MKLN1: variants seen among roughly 807,000 people sequenced by gnomAD.
MKLN1 encodes the protein muskelin 1, also known as muskelin.
Under a neutral mutation model 99.0 loss-of-function variants are expected in MKLN1, and 18 were observed. That is an observed-to-expected ratio of 0.18 (90% confidence interval 0.13 to 0.27). The LOEUF is 0.27. Among genes scored for constraint, MKLN1 ranks in the 10% least tolerant of loss-of-function variants. The pLI is 1.00. For missense variants in MKLN1, 621 were observed against 875.9 expected (o/e 0.71, Z 3.67); for synonymous variants, 288 against 293.2 (o/e 0.98, Z 0.18).
At chr7:131,439,735 A>G (rs1009607339) in intron 10 of MKLN1, among the ~76,000 whole-genome samples, 7 of 152,334 alleles carry the variant, frequency 4.6e-5, no homozygotes, top group African/African-American at 7.2e-5. Flanking sequence ...TAATTTTAAC[A>G]TATTTAAAAA....
At chr7:131,306,028 C>T (rs1798460161) in intron 3 of MKLN1, among the ~76,000 whole-genome samples, 1 of 152,148 alleles carries the variant, frequency 6.6e-6, no homozygotes, top group African/African-American at 2.4e-5. Context: ...CTATTCTGTT[C>T]ACATGATAGT....
At chr7:131,468,663 C>CA (rs573880580) in intron 15 of MKLN1, among the ~76,000 whole-genome samples, 7 of 151,262 alleles carry the variant, frequency 4.6e-5, no homozygotes, top group East Asian at 1.9e-4. Flanking sequence ...TAGAAATGGG[C>CA]AAAAAAAATT....
intron 2 of MKLN1, among the ~76,000 whole-genome samples, chr7:131,178,780 A>G (rs1796337975): frequency 6.6e-6 from 1 of 152,144 alleles, no homozygotes; most frequent in African/African-American, 2.4e-5. Context: ...ATTTATTTGC[A>G]AACTTTCATA....
intron 3 of MKLN1, among the ~76,000 whole-genome samples, chr7:131,304,468 T>C (rs1798424174): frequency 6.6e-6 from 1 of 152,254 alleles, no homozygotes; most frequent in African/African-American, 2.4e-5. Context: ...CCTGGTTGTA[T>C]AAATGACCTT....
chr7:131,454,849 C>G (rs1468180578), intron 12 of MKLN1, among the ~76,000 whole-genome samples: 1 of 152,066 alleles, frequency 6.6e-6, no homozygotes, highest in Non-Finnish European at 1.5e-5. Flanking sequence ...GGATGTGATG[C>G]TTAGAGTTGG....
intron 1 of MKLN1, among the ~76,000 whole-genome samples, chr7:131,349,687 A>C (rs965624835): frequency 6.6e-6 from 1 of 152,202 alleles, no homozygotes; most frequent in Admixed American, 6.5e-5. Flanking sequence ...TTGATAATTC[A>C]AGCCTTCTGA....
chr7:131,329,881 G>A (rs560811624), intron 1 of MKLN1, among the ~76,000 whole-genome samples: 75 of 152,290 alleles, frequency 4.9e-4, no homozygotes, highest in African/African-American at 1.7e-3. Flanking sequence ...ACATAAAATA[G>A]TATTTAATAC....
intron 4 of MKLN1, among the ~76,000 whole-genome samples, chr7:131,391,054 G>A (rs1407729649): frequency 6.6e-6 from 1 of 151,630 alleles, no homozygotes; most frequent in Non-Finnish European, 1.5e-5. Context: ...CCTTTCCCAA[G>A]CATTCTCTTA....
Position 131,487,546 on chromosome 7 carries a change from A to G in MKLN1, c.2087-61A>G, listed in dbSNP as rs1183620445. ...ATAAAATACATTGCTGCTGGTCTCA[A>G]CTAGTTTTTCTGTTACATGTTTTAA... On this transcript the variant is annotated intron_variant, in intron 17 of 17. Coordinates refer to ENST00000352689, the MANE Select transcript of MKLN1 (RefSeq NM_013255.5). The surrounding 1 kb of genome is among the most constrained non-coding windows in gnomAD (Gnocchi z 4.7). The G allele has an allele frequency of 1.3e-6, 2 of 1,560,502 alleles. No individual in the cohort carries two copies. The highest frequency in any genetic ancestry group is 1.7e-6 in the Non-Finnish European group (2 of 1,153,456).
chr7:131,383,223 A>G (rs1793905523), intron 2 of MKLN1, among the ~76,000 whole-genome samples: 1 of 152,210 alleles, frequency 6.6e-6, no homozygotes, highest in African/African-American at 2.4e-5. Flanking sequence ...ACCTCCTTCC[A>G]GCAGAAGGTG....
At chr7:131,117,227 C>T (rs1360212187) in intron 1 of MKLN1, among the ~76,000 whole-genome samples, 5 of 151,870 alleles carry the variant, frequency 3.3e-5, no homozygotes, top group South Asian at 2.1e-4. Flanking sequence ...GTCAGGAGAT[C>T]GAGACCATCC....
At chr7:131,292,921 TG>T (rs1798242498) in intron 3 of MKLN1, among the ~76,000 whole-genome samples, 1 of 152,200 alleles carries the variant, frequency 6.6e-6, no homozygotes, top group African/African-American at 2.4e-5. Context: ...GCACTAATAG[TG>T]GGACAACCCG....
At chr7:131,199,086 T>C (rs1337426081) in intron 2 of MKLN1, among the ~76,000 whole-genome samples, 2 of 151,858 alleles carry the variant, frequency 1.3e-5, no homozygotes, top group East Asian at 3.9e-4. Flanking sequence ...GGCAGGGAGG[T>C]TCACCCCTGT....
chr7:131,276,285 G>A (rs1392000882), intron 3 of MKLN1, among the ~76,000 whole-genome samples: 1 of 152,200 alleles, frequency 6.6e-6, no homozygotes, highest in Non-Finnish European at 1.5e-5. Flanking sequence ...GGGAGAGAGG[G>A]AGAGCTAGGG....
At chr7:131,146,404 T>C (rs967345376) in intron 2 of MKLN1, among the ~76,000 whole-genome samples, 7 of 152,168 alleles carry the variant, frequency 4.6e-5, no homozygotes, top group African/African-American at 1.7e-4. Context: ...AAGCCGTTCT[T>C]TCCCACCTTG....
chr7:131,385,357 CTCATT>C (rs1335860188), intron 2 of MKLN1, among the ~76,000 whole-genome samples: 1 of 148,464 alleles, frequency 6.7e-6, no homozygotes, highest in Non-Finnish European at 1.5e-5. Context: ...TTTTTTTTTC[CTCATT>C]TCATTTGGGT....
At chr7:131,252,370 C>A (rs1241377460) in intron 3 of MKLN1, among the ~76,000 whole-genome samples, 1 of 146,188 alleles carries the variant, frequency 6.8e-6, no homozygotes, top group African/African-American at 2.5e-5. Flanking sequence ...GCTCCATCAC[C>A]CAGGCTGGAG....
At chr7:131,153,663 G>GTTTTTTTTT (rs144256871) in intron 2 of MKLN1, among the ~76,000 whole-genome samples, 2 of 135,246 alleles carry the variant, frequency 1.5e-5, no homozygotes, top group Non-Finnish European at 3.1e-5. Flanking sequence ...GGTTTTTTTT[G>GTTTTTTTTT]GTTTTTTTTT....
intron 15 of MKLN1, 81 bp downstream of exon 15, chr7:131,466,496 T>A: frequency 9.9e-7 from 1 of 1,013,386 alleles, no homozygotes; most frequent in Non-Finnish European, 1.4e-6. Context: ...TGAGACAGTG[T>A]AAATACTATG....
Sources: allele counts gnomAD v4.1 joint callset (sites outside exome capture counted in the v4.1 genomes callset), GRCh38; gene constraint gnomAD v4.1.1; non-coding constraint Gnocchi (gnomAD v3.1); transcripts MANE v1.5; gene names NCBI Gene and HGNC (gene_info 2026-07-23, HGNC 2026-07-21).